The following CLN6 variants were observed in gnomAD, a reference collection of about 807,000 sequenced individuals.
CLN6 encodes CLN6 transmembrane ER protein.
In CLN6, 22 loss-of-function variants were observed where a neutral mutation model predicts 33.3. The observed-to-expected ratio is 0.66, with a 90% CI of 0.47 to 0.94. The LOEUF is 0.94. Among genes scored for constraint, CLN6 ranks in the 40% least tolerant of loss-of-function variants. The pLI is 0.00. For synonymous variants in CLN6, 201 were observed against 174.6 expected (o/e 1.15, Z -1.19); for missense variants, 387 against 417.1 (o/e 0.93, Z 0.63).
At position 68,210,594 on chromosome 15, in the gene CLN6, C is replaced by T. The variant is rs1383933494; in HGVS notation, c.542+669G>A. On this transcript the variant is annotated intron_variant, in intron 5 of 6. Coordinates refer to ENST00000249806, the MANE Select transcript of CLN6 (RefSeq NM_017882.3). This position sits in a 1 kb window ranked among gnomAD's most constrained non-coding sequence, Gnocchi z 5.6. ...CCTCCCAGCTGCAGCCTTCGGAGCC[C>T]TCCTCCCTCTGGCCTCAGTTTCTCC... Among the ~76,000 whole-genome samples the T allele has an allele frequency of 2.0e-5, 3 of 152,316 alleles. No homozygotes were observed. The East Asian group carries it at 5.8e-4, about 29-fold the overall frequency.
chr15:68,217,747 G>C (rs1266243205), intron 2 of CLN6, among the ~76,000 whole-genome samples: 1 of 152,116 alleles, frequency 6.6e-6, no homozygotes, highest in Non-Finnish European at 1.5e-5. Flanking sequence ...AGTTGGGTGG[G>C]AGGGGTCTGG....
chr15:68,233,000 G>A (rs980676875), upstream of CLN6, among the ~76,000 whole-genome samples: 3 of 152,140 alleles, frequency 2.0e-5, no homozygotes, highest in Admixed American at 6.5e-5. This position sits in a 1 kb window ranked among gnomAD's most constrained non-coding sequence, Gnocchi z 4.7. Flanking sequence ...CCGAGATCAC[G>A]CCACTGCACT....
Position 68,207,665 on chromosome 15 carries a change from CT to C in CLN6, c.*474del. The C allele has an allele frequency of 9.5e-6, 2 of 210,248 alleles. No homozygotes were observed. The highest frequency in any genetic ancestry group is 1.6e-4 in the South Asian group (2 of 12,622). The allele number at this position is 210,248 out of a possible 1,614,324, so 13.0% of individuals were successfully genotyped here. Reference sequence around the variant, plus strand: ...TGCTTTGCTCAACAGCCACAGTAGGCTGACGTAACCTATGTAATGTAGGGTC... The same window carrying C: ...TGCTTTGCTCAACAGCCACAGTAGGCGACGTAACCTATGTAATGTAGGGTC... On this transcript the variant is annotated 3_prime_UTR_variant, in exon 7 of 7. Coordinates refer to ENST00000249806, the MANE Select transcript of CLN6 (RefSeq NM_017882.3).
Position 68,208,102 on chromosome 15 carries a change from TC to T in CLN6, c.*37del. The T allele has an allele frequency of 8.2e-6, 4 of 484,980 alleles. No homozygotes were observed. Among genetic ancestry groups the T allele is most frequent in the South Asian group, 2.1e-5 (1 of 46,912 alleles). 30.0% of individuals were successfully genotyped at this position (484,980 alleles called of 1,614,324 possible). On this transcript the variant is annotated 3_prime_UTR_variant, in exon 7 of 7. Transcript: ENST00000249806. This position sits in a 1 kb window ranked among gnomAD's most constrained non-coding sequence, Gnocchi z 5.8. ...TTCAGATGCCCTCCATGGCCCACCCTCCCACCCAGCAGAGCGCCAGAGCCTG... is the reference window on the plus strand; with the variant it reads ...TTCAGATGCCCTCCATGGCCCACCCTCCACCCAGCAGAGCGCCAGAGCCTG...
At chr15:68,229,767 A>AGGGAG (rs1555440244), upstream of CLN6, 10,107 of 318,798 alleles carry the variant, frequency 0.032, 1,005 homozygotes, top group African/African-American at 0.21. Context: ...AGCGGAGCGG[A>AGGGAG]GCGGAGCGGA....
In CLN6 at chr15:68,211,662, G is replaced by T. The variant is rs2093205603; in HGVS notation, c.486+13C>A. ...CCTAGGGCTTACAGGCAGGGAGCAG[G>T]AGGTGGCCTCACCAGCGTCTCCGGC... is the stretch of plus-strand genomic sequence containing the variant. On this transcript the variant is annotated intron_variant, in intron 4 of 6. Transcript: ENST00000249806. The surrounding 1 kb of genome is among the most constrained non-coding windows in gnomAD (Gnocchi z 5.9). 3 of 1,612,980 alleles carry T rather than the reference G, an allele frequency of 1.9e-6. No homozygotes were observed. The highest frequency in any genetic ancestry group is 1.3e-5 in the African/African-American group (1 of 74,892).
intron 1 of CLN6, among the ~76,000 whole-genome samples, chr15:68,221,269 T>C (rs2093235122): frequency 1.5e-5 from 2 of 136,422 alleles, no homozygotes; most frequent in South Asian, 5.5e-4. Context: ...TCTCCCTCTG[T>C]TGCTGAGGCT....
intron 1 of CLN6, among the ~76,000 whole-genome samples, chr15:68,226,136 G>T (rs999735960): frequency 2.6e-5 from 4 of 151,946 alleles, no homozygotes; most frequent in East Asian, 3.9e-4. Context: ...TGGCCAACAT[G>T]GTGAAACGCC....
chr15:68,229,295 TGGG>T (rs2093261093), intron 1 of CLN6, among the ~76,000 whole-genome samples: 4 of 152,066 alleles, frequency 2.6e-5, no homozygotes, highest in Non-Finnish European at 5.9e-5. Flanking sequence ...CGAGCCCCGC[TGGG>T]CCCCAGGCTC....
At chr15:68,223,764 G>A (rs2093244376) in intron 1 of CLN6, among the ~76,000 whole-genome samples, 1 of 152,002 alleles carries the variant, frequency 6.6e-6, no homozygotes, top group South Asian at 2.1e-4. Flanking sequence ...AAAAGAGGGG[G>A]GCTGGGCCCA....
intron 1 of CLN6, among the ~76,000 whole-genome samples, chr15:68,224,917 C>G (rs1406819877): frequency 6.6e-6 from 1 of 152,110 alleles, no homozygotes; most frequent in Non-Finnish European, 1.5e-5. Flanking sequence ...CCCAGCTTTC[C>G]AAGTCTACCA....
At chr15:68,231,401 G>T (rs2093268407), upstream of CLN6, among the ~76,000 whole-genome samples, 1 of 152,254 alleles carries the variant, frequency 6.6e-6, no homozygotes, top group South Asian at 2.1e-4. Context: ...GCCCTGAGCT[G>T]AAGTACTGTG....
intron 3 of CLN6, chr15:68,213,717 C>T (rs1393782454): frequency 6.4e-6 from 1 of 156,206 alleles, no homozygotes; most frequent in Non-Finnish European, 1.4e-5. Flanking sequence ...TTTCAGACTC[C>T]TTTGGAGCAT....
intron 1 of CLN6, among the ~76,000 whole-genome samples, chr15:68,224,783 G>A (rs1289263456): frequency 6.6e-6 from 1 of 152,120 alleles, no homozygotes; most frequent in African/African-American, 2.4e-5. Context: ...TGGCTCCACA[G>A]ACTTAGCACA....
chr15:68,229,167 CTCCCAGCGCAGCGGCTG>C (rs1170096637), intron 1 of CLN6, among the ~76,000 whole-genome samples: 1 of 152,178 alleles, frequency 6.6e-6, no homozygotes, highest in Non-Finnish European at 1.5e-5. Context: ...CTGGGGAGCT[CTCCCAGCGCAGCGGCTG>C]TCCCGGCGCC....
rs28842872 is a variant in CLN6, at chr15:68,236,781, C to T, written c.180-18131G>A. On this transcript the variant is annotated intron_variant, in intron 1 of 6. Transcript: ENST00000538696. This position sits in a 1 kb window ranked among gnomAD's most constrained non-coding sequence, Gnocchi z 4.5. ...AAAGCTATTATTTAAGAAAATAAGG[C>T]AAAGACCTTTGCAATTGATCAGACA... Among the ~76,000 whole-genome samples the T allele has an allele frequency of 6.6e-6, 1 of 152,146 alleles. No individual in the cohort carries two copies. The highest frequency in any genetic ancestry group is 2.4e-5 in the African/African-American group (1 of 41,418).
rs2093196674 is a variant in CLN6, at chr15:68,209,030, G to A, written c.665+607C>T. Reference sequence around the variant, plus strand: ...CCTTCCCATGATACCCACAATCCCAGGGTGACCTGTCTCCAGGGCAGAAGT... The same window carrying A: ...CCTTCCCATGATACCCACAATCCCAAGGTGACCTGTCTCCAGGGCAGAAGT... On this transcript the variant is annotated intron_variant, in intron 6 of 6. Coordinates refer to ENST00000249806, the MANE Select transcript of CLN6 (RefSeq NM_017882.3). The surrounding 1 kb of genome is among the most constrained non-coding windows in gnomAD (Gnocchi z 4.9). Among the ~76,000 whole-genome samples the A allele has an allele frequency of 6.6e-6, 1 of 152,200 alleles. No homozygotes were observed. The highest frequency in any genetic ancestry group is 1.5e-5 in the Non-Finnish European group (1 of 68,024).
At chr15:68,249,669 A>G (rs1258756658) in intron 1 of CLN6, among the ~76,000 whole-genome samples, 1 of 152,212 alleles carries the variant, frequency 6.6e-6, no homozygotes, top group Non-Finnish European at 1.5e-5. Flanking sequence ...GGGTGAGGGG[A>G]TGGAGAGGTT....
Position 68,210,545 on chromosome 15 carries a change from A to G in CLN6, c.542+718T>C, listed in dbSNP as rs1200532794. On this transcript the variant is annotated intron_variant, in intron 5 of 6. Coordinates refer to ENST00000249806, the MANE Select transcript of CLN6 (RefSeq NM_017882.3). The surrounding 1 kb of genome is among the most constrained non-coding windows in gnomAD (Gnocchi z 5.6). ...TGCTGTGAGCACCAACTCAGGAGTG[A>G]GCCGGGTCCAGGGCTGGCCCTCACC... 1.3e-5 allele frequency among the ~76,000 whole-genome samples: 2 copies of G among 152,290 alleles called. No individual in the cohort carries two copies. Among genetic ancestry groups the G allele is most frequent in the Non-Finnish European group, 2.9e-5 (2 of 68,016 alleles).
Sources: allele counts gnomAD v4.1 joint callset (sites outside exome capture counted in the v4.1 genomes callset), GRCh38; gene constraint gnomAD v4.1.1; non-coding constraint Gnocchi (gnomAD v3.1); transcripts MANE v1.5; gene names NCBI Gene and HGNC (gene_info 2026-07-23, HGNC 2026-07-21).